The following AGBL1 variants were observed in gnomAD, a reference collection of about 807,000 sequenced individuals.
The protein encoded by AGBL1 is cytosolic carboxypeptidase 4.
In AGBL1, 130 loss-of-function variants were observed where a neutral mutation model predicts 118.9. The observed-to-expected ratio is 1.09, with a 90% confidence interval of 0.95 to 1.26. AGBL1 has a LOEUF of 1.26. Ranked by LOEUF, AGBL1 falls within the 50% of genes most tolerant of loss-of-function variation. AGBL1 has a pLI of 0.00. For missense variants in AGBL1, 1,584 were observed against 1,298.1 expected, an observed-to-expected ratio of 1.22 and a Z score of -3.38; for synonymous variants, 555 against 478.9, an observed-to-expected ratio of 1.16 and a Z score of -2.08.
At chr15:86,633,839 ATATATAATGTATATATATATATAATG>A (rs1567094037) in intron 21 of AGBL1, among the ~76,000 whole-genome samples, 73 of 66,236 alleles carry the variant, frequency 1.1e-3, no homozygotes, top group African/African-American at 6.3e-3. Context: ...TAATGTATAT[ATATATAATGTATATATATATATAATG>A]TATATATATA....
At chr15:86,247,994 G>T (rs1458801001) in intron 7 of AGBL1, 115 bp downstream of exon 7, 7 of 1,321,954 alleles carry the variant, frequency 5.3e-6, no homozygotes, top group Non-Finnish European at 6.4e-6. Context: ...ATTTCTTGTT[G>T]CCTGCTAAGG....
chr15:86,750,212 C>A (rs1437719383), intron 22 of AGBL1, among the ~76,000 whole-genome samples: 1 of 151,712 alleles, frequency 6.6e-6, no homozygotes, highest in Non-Finnish European at 1.5e-5. Context: ...TTATTAATAC[C>A]AAAAGGAGTC....
chr15:86,391,312 T>C (rs1023869285), intron 17 of AGBL1, among the ~76,000 whole-genome samples: 1 of 152,190 alleles, frequency 6.6e-6, no homozygotes, highest in African/African-American at 2.4e-5. Flanking sequence ...AAATGCACAA[T>C]GCATAAAATG....
At position 86,259,107 on chromosome 15, in the gene AGBL1, G is replaced by A. The variant is rs570528082; in HGVS notation, c.969+1076G>A. 2.2e-4 allele frequency among the ~76,000 whole-genome samples: 34 copies of A among 152,254 alleles called. No homozygotes were observed. The South Asian group carries it at 2.3e-3, about 10-fold the overall frequency. ...CCTTGGCACTGTTGGCATTTAGACCGGTTACTTCTTGGTTGTGGGAGGCTG... is the reference window on the plus strand; with the variant it reads ...CCTTGGCACTGTTGGCATTTAGACCAGTTACTTCTTGGTTGTGGGAGGCTG... On this transcript the variant is annotated intron_variant, in intron 9 of 22. Coordinates refer to ENST00000614907, the MANE Select transcript of AGBL1 (RefSeq NM_001386094.1).
At chr15:86,694,812 G>A (rs978576433) in intron 22 of AGBL1, among the ~76,000 whole-genome samples, 11 of 151,982 alleles carry the variant, frequency 7.2e-5, no homozygotes, top group African/African-American at 2.7e-4. Flanking sequence ...AAGCGATGCT[G>A]GATTTTGTCA....
At chr15:86,391,653 T>G (rs2081289044) in intron 17 of AGBL1, among the ~76,000 whole-genome samples, 1 of 143,992 alleles carries the variant, frequency 6.9e-6, no homozygotes. Context: ...TTTTTTTTTT[T>G]TTTTTTTTTT....
chr15:86,648,265 G>C (rs900251443), intron 21 of AGBL1, among the ~76,000 whole-genome samples: 3 of 152,196 alleles, frequency 2.0e-5, no homozygotes, highest in Non-Finnish European at 4.4e-5. Context: ...GGCTATTGCA[G>C]TTCTCAGTGA....
At chr15:86,442,293 A>G (rs2082073479) in intron 18 of AGBL1, among the ~76,000 whole-genome samples, 6 of 152,234 alleles carry the variant, frequency 3.9e-5, no homozygotes, top group Admixed American at 3.9e-4. Flanking sequence ...TCAGGGCTAC[A>G]GTATAATGGA....
intron 23 of AGBL1, among the ~76,000 whole-genome samples, chr15:86,941,773 G>A (rs1232233844): frequency 6.6e-6 from 1 of 152,220 alleles, no homozygotes; most frequent in East Asian, 1.9e-4. Flanking sequence ...GAGAGCTGCT[G>A]ACTGCCATGC....
chr15:86,388,346 T>C (rs1386049596), intron 17 of AGBL1, among the ~76,000 whole-genome samples: 1 of 152,214 alleles, frequency 6.6e-6, no homozygotes, highest in Non-Finnish European at 1.5e-5. Context: ...CATGTAATTT[T>C]GCTTCCTGTT....
chr15:86,940,065 T>C (rs2080730993), intron 23 of AGBL1, among the ~76,000 whole-genome samples: 1 of 96,980 alleles, frequency 1.0e-5, no homozygotes, highest in Non-Finnish European at 2.0e-5. Context: ...TAGTCCTTTT[T>C]TTTTTTTTTT....
intron 24 of AGBL1, among the ~76,000 whole-genome samples, chr15:86,994,038 G>A (rs150906580): frequency 4.5e-4 from 69 of 152,156 alleles, no homozygotes; most frequent in African/African-American, 1.6e-3. Context: ...TGTGACACAG[G>A]TTCTGTGTCA....
chr15:86,079,884 G>A lies in AGBL1; in HGVS notation c.-89G>A, dbSNP rs564089391. On this transcript the variant is annotated 5_prime_UTR_variant, in exon 1 of 23. Coordinates refer to ENST00000614907, the MANE Select transcript of AGBL1 (RefSeq NM_001386094.1). ...AGGCCTCCGGGCAGTCGTCTCCTGC[G>A]AGGCGGGCAGCGAGGTCAGCTTGGC... is the stretch of plus-strand genomic sequence containing the variant. 1.0e-4 allele frequency: 100 copies of A among 1,003,488 alleles called. No individual in the cohort carries two copies. Among genetic ancestry groups the A allele is most frequent in the Admixed American group, 7.3e-4 (17 of 23,434 alleles). The allele number at this position is 1,003,488 out of a possible 1,614,324, so 62.2% of individuals were successfully genotyped here.
At chr15:86,930,418 TAAGAG>T (rs1246764708) in intron 23 of AGBL1, among the ~76,000 whole-genome samples, 1 of 152,112 alleles carries the variant, frequency 6.6e-6, no homozygotes, top group African/African-American at 2.4e-5. Flanking sequence ...TTGCCAGTGA[TAAGAG>T]GAGGTCCATT....
At chr15:86,343,242 C>G (rs1358012046) in intron 17 of AGBL1, among the ~76,000 whole-genome samples, 1 of 152,084 alleles carries the variant, frequency 6.6e-6, no homozygotes, top group Non-Finnish European at 1.5e-5. Flanking sequence ...GAAGATAATA[C>G]AAAAGATTAG....
chr15:86,986,853 G>T (rs527488380), intron 23 of AGBL1, among the ~76,000 whole-genome samples: 6 of 152,124 alleles, frequency 3.9e-5, no homozygotes, highest in Non-Finnish European at 5.9e-5. Flanking sequence ...TGTGAGCAAG[G>T]CTGTTTATTT....
chr15:86,647,529 C>T (rs867975446), intron 21 of AGBL1, among the ~76,000 whole-genome samples: 2 of 152,054 alleles, frequency 1.3e-5, no homozygotes, highest in South Asian at 2.1e-4. Flanking sequence ...GGTGAAACCC[C>T]GTCTCTACTA....
chr15:86,534,197 A>C (rs2083391130), intron 19 of AGBL1, among the ~76,000 whole-genome samples: 1 of 152,044 alleles, frequency 6.6e-6, no homozygotes, highest in African/African-American at 2.4e-5. Flanking sequence ...CAGGTCTACA[A>C]GGAAACTGGA....
chr15:86,262,629 C>T (rs1279707750), intron 9 of AGBL1, 149 bp from the exon 10 acceptor site: 1 of 698,076 alleles, frequency 1.4e-6, no homozygotes, highest in Non-Finnish European at 2.6e-6. Flanking sequence ...TCCAGCATAA[C>T]AAATTCTTCA....
Sources: allele counts gnomAD v4.1 joint callset (sites outside exome capture counted in the v4.1 genomes callset), GRCh38; gene constraint gnomAD v4.1.1; transcripts MANE v1.5; gene names NCBI Gene and HGNC (gene_info 2026-07-23, HGNC 2026-07-21).